The following SYNPR variants were observed in gnomAD, a reference collection of about 807,000 sequenced individuals.
The protein encoded by SYNPR is synaptoporin.
SYNPR carries 23 observed loss-of-function variants against 32.9 expected under a neutral mutation model. The observed-to-expected ratio is 0.70, with a 90% CI of 0.50 to 0.99. SYNPR has a LOEUF of 0.99. SYNPR is among the 50% of genes least tolerant of loss of function. The probability of loss-of-function intolerance (pLI) is 0.00; values close to 1 mark genes in which losing one functional copy is unlikely to be tolerated. For synonymous variants in SYNPR, 146 were observed against 135.9 expected, an observed-to-expected ratio of 1.07 and a Z score of -0.52; for missense variants, 318 against 349.3, an observed-to-expected ratio of 0.91 and a Z score of 0.71.
chr3:63,605,914 T>C (rs1700111729), intron 4 of SYNPR, among the ~76,000 whole-genome samples: 2 of 152,238 alleles, frequency 1.3e-5, no homozygotes, highest in Admixed American at 1.3e-4. Context: ...ATGTTCCCGC[T>C]CCATAGCCTT....
chr3:63,493,404 T>C (rs1701292886), intron 3 of SYNPR, among the ~76,000 whole-genome samples: 1 of 152,082 alleles, frequency 6.6e-6, no homozygotes. Context: ...TAATTCCCCT[T>C]CCAGTATCCC....
intron 3 of SYNPR, among the ~76,000 whole-genome samples, chr3:63,520,220 T>G (rs1472021052): frequency 1.3e-5 from 2 of 152,228 alleles, no homozygotes; most frequent in African/African-American, 4.8e-5. Context: ...TTTAACATTA[T>G]AAACAATGCT....
At chr3:63,390,372 T>G (rs1025928475) in intron 2 of SYNPR, among the ~76,000 whole-genome samples, 1 of 152,128 alleles carries the variant, frequency 6.6e-6, no homozygotes, top group African/African-American at 2.4e-5. Context: ...AATTCAAGTG[T>G]GATGCCTTTT....
intron 2 of SYNPR, among the ~76,000 whole-genome samples, chr3:63,402,932 T>C (rs886492052): frequency 6.6e-6 from 1 of 152,166 alleles, no homozygotes; most frequent in Non-Finnish European, 1.5e-5. Flanking sequence ...GAAGATTCTC[T>C]AGAGAAAATG....
At chr3:63,281,034 A>G (rs1377405038) in intron 2 of SYNPR, among the ~76,000 whole-genome samples, 2 of 152,214 alleles carry the variant, frequency 1.3e-5, no homozygotes, top group Admixed American at 6.5e-5. Context: ...TGAAAAAGCT[A>G]GTAGTGAACA....
chr3:63,568,438 A>G (rs570354876), intron 4 of SYNPR, among the ~76,000 whole-genome samples: 1 of 152,302 alleles, frequency 6.6e-6, no homozygotes, highest in East Asian at 1.9e-4. Flanking sequence ...CACAGTAGCA[A>G]GACATACACA....
the SYNPR span, among the ~76,000 whole-genome samples, chr3:63,209,769 T>A: frequency 6.6e-6 from 1 of 152,216 alleles, no homozygotes; most frequent in Non-Finnish European, 1.5e-5. Context: ...CACACGCTCA[T>A]AGCATCCTAA....
intron 2 of SYNPR, among the ~76,000 whole-genome samples, chr3:63,310,991 A>G (rs2086957668): frequency 1.3e-5 from 1 of 78,498 alleles, no homozygotes; most frequent in African/African-American, 3.5e-5. Flanking sequence ...CTCAGAAAAC[A>G]CATAGATGTC....
chr3:63,445,445 T>G (rs1159730363), intron 2 of SYNPR: 1 of 621,152 alleles, frequency 1.6e-6, no homozygotes, highest in Non-Finnish European at 2.9e-6. Context: ...CCAGAAAATC[T>G]GTCATAATCT....
At chr3:63,368,993 T>C (rs2087763874) in intron 2 of SYNPR, among the ~76,000 whole-genome samples, 1 of 152,194 alleles carries the variant, frequency 6.6e-6, no homozygotes. Context: ...ATGAGCTAAA[T>C]CATGTGTCTG....
chr3:63,423,867 T>C (rs1340600638), intron 2 of SYNPR: 1 of 152,210 alleles, frequency 6.6e-6, no homozygotes, highest in African/African-American at 2.4e-5. Flanking sequence ...TGTTTTTAAA[T>C]TATCACCTAT....
chr3:63,480,527 T>A (rs758642834), intron 2 of SYNPR, among the ~76,000 whole-genome samples: 14 of 152,188 alleles, frequency 9.2e-5, no homozygotes, highest in Non-Finnish European at 1.8e-4. Flanking sequence ...CCTTTGACTA[T>A]GGGATTATGC....
At chr3:63,397,399 G>T (rs939695137) in intron 2 of SYNPR, among the ~76,000 whole-genome samples, 2 of 152,148 alleles carry the variant, frequency 1.3e-5, no homozygotes, top group African/African-American at 4.8e-5. Flanking sequence ...GAGCTAATCT[G>T]ATGAAAACAG....
intron 2 of SYNPR, among the ~76,000 whole-genome samples, chr3:63,365,012 G>A (rs982757279): frequency 6.6e-6 from 1 of 152,108 alleles, no homozygotes; most frequent in African/African-American, 2.4e-5. Flanking sequence ...GGTTGACTTT[G>A]GAGAGTCTAA....
chr3:63,525,455 A>G (rs1701994734), intron 3 of SYNPR, among the ~76,000 whole-genome samples: 1 of 152,154 alleles, frequency 6.6e-6, no homozygotes, highest in Non-Finnish European at 1.5e-5. Flanking sequence ...ACTAAGAACA[A>G]ATGCTTTAGA....
chr3:63,507,676 C>G (rs1400049814), intron 3 of SYNPR, among the ~76,000 whole-genome samples: 1 of 152,088 alleles, frequency 6.6e-6, no homozygotes. Flanking sequence ...TGAATAAAGT[C>G]TGTAGTTCAG....
chr3:63,588,798 A>ACTAACATT (rs1224579673), intron 4 of SYNPR, among the ~76,000 whole-genome samples: 2 of 152,036 alleles, frequency 1.3e-5, no homozygotes, highest in Non-Finnish European at 2.9e-5. Flanking sequence ...GTACTCTTCT[A>ACTAACATT]CTAACATTTA....
At chr3:63,579,921 G>A (rs75076044) in intron 4 of SYNPR, among the ~76,000 whole-genome samples, 3,067 of 151,132 alleles carry the variant, frequency 0.02, 117 homozygotes, top group African/African-American at 0.07. Context: ...GGGGCAAAAT[G>A]GGGGGAGGAC....
chr3:63,408,824 A>C (rs1414284098), intron 2 of SYNPR, among the ~76,000 whole-genome samples: 1 of 152,118 alleles, frequency 6.6e-6, no homozygotes, highest in African/African-American at 2.4e-5. Context: ...GAGATATATC[A>C]AGAAATAATG....
Sources: gnomAD v4.1 joint callset for allele counts (sites outside exome capture counted in the v4.1 genomes callset) on GRCh38, gnomAD v4.1.1 for gene constraint, MANE v1.5 for transcripts, NCBI Gene and HGNC (gene_info 2026-07-23, HGNC 2026-07-21) for gene names.